Variants in NCAM1 observed in about 807,000 individuals in gnomAD.
NCAM1 encodes neural cell adhesion molecule 1.
NCAM1 carries 14 observed loss-of-function variants against 109.8 expected under a neutral mutation model. The observed-to-expected ratio is 0.13, with a 90% CI of 0.08 to 0.20. The LOEUF is 0.20. NCAM1 is among the 10% of genes least tolerant of loss of function. The pLI is 1.00. For missense variants in NCAM1, 774 were observed against 1,109.9 expected (o/e 0.70, Z 4.30); for synonymous variants, 418 against 442.9 (o/e 0.94, Z 0.70).
chr11:113,199,172 G>A (rs1042459680), intron 1 of NCAM1, among the ~76,000 whole-genome samples: 15 of 152,148 alleles, frequency 9.9e-5, no homozygotes, highest in African/African-American at 2.9e-4. Context: ...GGGATACTTC[G>A]TCTGTGAGAA....
rs551000606 is a variant in NCAM1, at chr11:113,187,499, AGTCCAGTGAGTTTT to A, written c.53-14878_53-14865del. On this transcript the variant is annotated intron_variant, in intron 1 of 19. Coordinates refer to ENST00000316851, the MANE Select transcript of NCAM1 (RefSeq NM_181351.5). The stretch of plus-strand genomic sequence containing the variant: ...GCTAGAAAACAGGCAAATAACTCAC[AGTCCAGTGAGTTTT>A]GAGTCTGATATTGTGTACACTGAGG... Among the ~76,000 whole-genome samples, 116 of 152,144 alleles carry A rather than the reference AGTCCAGTGAGTTTT, an allele frequency of 7.6e-4. 1 individual carries two copies. The highest frequency in any genetic ancestry group is 6.8e-3 in the Admixed American group (104 of 15,286).
Position 113,056,021 on chromosome 11 carries a change from ATAT to A in NCAM1, c.52+94358_52+94360del, listed in dbSNP as rs1337357858. Among the ~76,000 whole-genome samples, 14 of 124,056 alleles carry A rather than the reference ATAT, an allele frequency of 1.1e-4. 1 individual carries two copies. Among genetic ancestry groups the A allele is most frequent in the African/African-American group, 2.7e-4 (9 of 33,120 alleles). 81.4% of individuals were successfully genotyped at this position (124,056 alleles called of 152,430 possible). ...TATATATATATATATATATATATAT[ATAT>A]AAAATATATATATTATATATACACA... On this transcript the variant is annotated intron_variant, in intron 1 of 19. Coordinates refer to ENST00000316851, the MANE Select transcript of NCAM1 (RefSeq NM_181351.5).
chr11:113,143,238 A>G (rs1296757352), intron 1 of NCAM1, among the ~76,000 whole-genome samples: 2 of 152,236 alleles, frequency 1.3e-5, no homozygotes, highest in Non-Finnish European at 2.9e-5. Context: ...TTTGGCTTTT[A>G]TATCTCCAAT....
chr11:113,066,372 T>C (rs1339784145), intron 1 of NCAM1, among the ~76,000 whole-genome samples: 1 of 152,236 alleles, frequency 6.6e-6, no homozygotes, highest in Admixed American at 6.5e-5. Flanking sequence ...TTTTCTATTT[T>C]GCTTCACTAA....
chr11:113,202,353 T>C, intron 1 of NCAM1, 26 bp from the exon 2 acceptor site: 1 of 1,594,014 alleles, frequency 6.3e-7, no homozygotes, highest in Non-Finnish European at 8.5e-7. Context: ...TTTTTTGTTT[T>C]GTTTTGTTTT....
At chr11:113,228,389 C>T (rs1944909046) in intron 9 of NCAM1, among the ~76,000 whole-genome samples, 3 of 152,110 alleles carry the variant, frequency 2.0e-5, no homozygotes, top group Admixed American at 1.3e-4. Flanking sequence ...ATGTGAAGGA[C>T]CTCTTCAAGG....
chr11:112,961,726 T>G, intron 1 of NCAM1, 62 bp downstream of exon 1: 1 of 1,036,030 alleles, frequency 9.7e-7, no homozygotes, highest in Non-Finnish European at 1.5e-6. Flanking sequence ...CTCCTACTCC[T>G]AGGAGGAACG....
chr11:113,268,580 T>A (rs538541930), intron 17 of NCAM1, among the ~76,000 whole-genome samples: 1 of 152,134 alleles, frequency 6.6e-6, no homozygotes, highest in East Asian at 1.9e-4. Flanking sequence ...TTCCCCAAAC[T>A]GAAGTTTGAA....
At chr11:113,014,832 A>G (rs1952167188) in intron 1 of NCAM1, among the ~76,000 whole-genome samples, 1 of 152,198 alleles carries the variant, frequency 6.6e-6, no homozygotes, top group South Asian at 2.1e-4. Flanking sequence ...GAGAGTGGGA[A>G]CCAGGGGACA....
intron 1 of NCAM1, among the ~76,000 whole-genome samples, chr11:113,063,850 T>C (rs1287228858): frequency 6.6e-6 from 1 of 152,152 alleles, no homozygotes; most frequent in Non-Finnish European, 1.5e-5. Context: ...AATAATCTTT[T>C]AGAGCACCAG....
At chr11:113,101,246 G>A (rs1017058192) in intron 1 of NCAM1, among the ~76,000 whole-genome samples, 3 of 152,110 alleles carry the variant, frequency 2.0e-5, no homozygotes, top group Non-Finnish European at 4.4e-5. Context: ...AGTTCCTATG[G>A]CCTCCACTAT....
intron 1 of NCAM1, among the ~76,000 whole-genome samples, chr11:112,999,523 T>TG (rs1162011320): frequency 6.6e-6 from 1 of 152,136 alleles, no homozygotes. Flanking sequence ...TTTCAAATTA[T>TG]GGGGCCTTCG....
Position 113,236,187 on chromosome 11 carries a change from C to T in NCAM1, c.1825+1023C>T. On this transcript the variant is annotated intron_variant, in intron 14 of 19. Transcript: ENST00000316851. Reference sequence around the variant, plus strand: ...TGAAGTAATTTGATAATTTGAGTTTCCAGCTCCATGTGCTCTGCGGATTCT... The same window carrying T: ...TGAAGTAATTTGATAATTTGAGTTTTCAGCTCCATGTGCTCTGCGGATTCT... 10 of 1,074,764 alleles carry T rather than the reference C, an allele frequency of 9.3e-6. 1 individual carries two copies. The South Asian group carries it at 1.3e-4, about 14-fold the overall frequency. 66.6% of individuals were successfully genotyped at this position (1,074,764 alleles called of 1,614,324 possible). A position where few individuals can be genotyped will look rare whatever the true frequency, so the allele number is the denominator to read the frequency against.
intron 1 of NCAM1, among the ~76,000 whole-genome samples, chr11:113,104,175 C>T (rs1319107480): frequency 3.4e-5 from 3 of 88,954 alleles, no homozygotes; most frequent in African/African-American, 1.4e-4. Context: ...TTCTGTTTCT[C>T]CTGTTGGAGA....
chr11:113,107,145 T>C (rs1256539513), intron 1 of NCAM1, among the ~76,000 whole-genome samples: 2 of 152,156 alleles, frequency 1.3e-5, no homozygotes, highest in East Asian at 3.9e-4. Context: ...ACAGAAATAC[T>C]TGGGAGAGTG....
At chr11:113,050,668 T>TA (rs5794838) in intron 1 of NCAM1, among the ~76,000 whole-genome samples, 151,734 of 152,108 alleles carry the variant, frequency 1, 75,681 homozygotes, top group Middle Eastern at 1. Context: ...AAATTTAATG[T>TA]AAAAAAATGT....
chr11:113,024,994 A>C (rs1054072553), intron 1 of NCAM1, among the ~76,000 whole-genome samples: 9 of 152,258 alleles, frequency 5.9e-5, no homozygotes, highest in Admixed American at 5.2e-4. Flanking sequence ...CAATGTTGAA[A>C]TAATTTAAAA....
chr11:113,239,932 T>C (rs1384037494), intron 14 of NCAM1, among the ~76,000 whole-genome samples: 1 of 152,244 alleles, frequency 6.6e-6, no homozygotes, highest in Non-Finnish European at 1.5e-5. Context: ...CATCTAGCTC[T>C]CGAAGGAGAC....
At chr11:113,108,631 A>T (rs752600764) in intron 1 of NCAM1, among the ~76,000 whole-genome samples, 8 of 152,134 alleles carry the variant, frequency 5.3e-5, no homozygotes, top group Non-Finnish European at 7.4e-5. Context: ...TCCTTTCTTC[A>T]TATGCTCATA....
Sources: gnomAD v4.1 joint callset for allele counts (sites outside exome capture counted in the v4.1 genomes callset) on GRCh38, gnomAD v4.1.1 for gene constraint, MANE v1.5 for transcripts, NCBI Gene and HGNC (gene_info 2026-07-23, HGNC 2026-07-21) for gene names.